Variants in ZFPL1 observed in about 807,000 individuals in gnomAD.
The protein encoded by ZFPL1 is zinc finger protein like 1.
ZFPL1 carries 28 observed loss-of-function variants against 32.0 expected under a neutral mutation model. The ratio of observed to expected loss-of-function variants is 0.87; its 90% confidence interval spans 0.65 to 1.20. ZFPL1 has a LOEUF of 1.20. ZFPL1 is among the 50% of genes most tolerant of loss of function. The probability of loss-of-function intolerance (pLI) is 0.00; values close to 1 mark genes in which losing one functional copy is unlikely to be tolerated. For missense variants in ZFPL1, 386 were observed against 424.8 expected, an observed-to-expected ratio of 0.91 and a Z score of 0.80; for synonymous variants, 165 against 177.0, an observed-to-expected ratio of 0.93 and a Z score of 0.54.
At position 65,085,240 on chromosome 11, in the gene ZFPL1, A is replaced by C. The variant is rs771841416; in HGVS notation, c.214+14A>C. The C allele has an allele frequency of 2.6e-5, 42 of 1,612,154 alleles. No individual in the cohort carries two copies. The highest frequency in any genetic ancestry group is 1.6e-4 in the Middle Eastern group (1 of 6,080). ...TTGTCTGCTATGGTGAGGCCTTGGCACCTCGGGGGGATCAGGCCAGCCTCA... is the reference window on the plus strand; with the variant it reads ...TTGTCTGCTATGGTGAGGCCTTGGCCCCTCGGGGGGATCAGGCCAGCCTCA... On this transcript the variant is annotated intron_variant, in intron 3 of 7. Coordinates refer to ENST00000294258, the MANE Select transcript of ZFPL1 (RefSeq NM_006782.4).
rs774439719 is a variant in ZFPL1, at chr11:65,086,955, T to C, written c.509T>C (p.Val170Ala). ...AGCAGTACCCCTGGACCAGAGGAGG[T>C]AGACAGCGCCTCTGCTGCCCCAGCC... is the stretch of plus-strand genomic sequence containing the variant. ...NASSTPGPEE[V>A]DSASAAPAFY... The change falls in exon 6 of 8, where the codon GTA becomes GCA. Residue 170 changes from valine (V) to alanine (A), a missense_variant. Val to Ala is a moderately conservative substitution (Grantham distance 64). Coordinates refer to ENST00000294258, the MANE Select transcript of ZFPL1 (RefSeq NM_006782.4). 8 of 1,613,696 alleles carry C rather than the reference T, an allele frequency of 5.0e-6. No homozygotes were observed. In the East Asian group the frequency reaches 6.7e-5, roughly 13 times the overall value.
At chr11:65,085,024 C>T (rs1291617333) in intron 2 of ZFPL1, 91 bp from the exon 3 acceptor site, 47 of 1,298,252 alleles carry the variant, frequency 3.6e-5, no homozygotes, top group Non-Finnish European at 4.9e-5. Flanking sequence ...GATGAGTCTC[C>T]TCTGTGGCTA....
At position 65,086,707 on chromosome 11, in the gene ZFPL1, T is replaced by C. The variant is rs771310881; in HGVS notation, c.409-13T>C. 6.8e-6 allele frequency: 11 copies of C among 1,614,190 alleles called. No homozygotes were observed. In the Admixed American group the frequency reaches 1.8e-4, roughly 27 times the overall value. On this transcript the variant is annotated splice_polypyrimidine_tract_variant and intron_variant, in intron 4 of 7. Transcript: ENST00000294258. ...ATACTAGGCAGCCTGGTGACCCAGA[T>C]TCCTTCCTCCAGATCGATGAGGTGG...
chr11:65,086,330 C>T, intron 3 of ZFPL1, 85 bp from the exon 4 acceptor site: 1 of 1,538,748 alleles, frequency 6.5e-7, no homozygotes. Context: ...ATATGTCCTG[C>T]AATGGTCTGG....
chr11:65,085,506 C>CGTAA (rs1947668281), intron 3 of ZFPL1: 1 of 487,512 alleles, frequency 2.1e-6, no homozygotes, highest in African/African-American at 1.9e-5. Context: ...GTCAAGCTTA[C>CGTAA]GGGTATGCTG....
At position 65,084,286 on chromosome 11, in the gene ZFPL1, G is replaced by C. The variant is rs1051463652; in HGVS notation, c.-101G>C. 1 of 550,330 alleles carries C rather than the reference G, an allele frequency of 1.8e-6. No individual in the cohort carries two copies. 34.1% of individuals were successfully genotyped at this position (550,330 alleles called of 1,614,324 possible). On this transcript the variant is annotated 5_prime_UTR_variant, in exon 1 of 8. Transcript: ENST00000294258. ...CTGAAGGGAGAGGCGCAGGAGCCCT[G>C]GGGAGAGTGGTCCCTGCCCTTCCGC...
chr11:65,088,383 A>G lies in ZFPL1; in HGVS notation c.*269A>G. ...AAGGAGCTGGCAGGTGGAAATAAAC[A>G]ACAACTTTATTAAAACACCCGAGGC... On this transcript the variant is annotated 3_prime_UTR_variant, in exon 8 of 8. Coordinates refer to ENST00000294258, the MANE Select transcript of ZFPL1 (RefSeq NM_006782.4). 6.9e-7 allele frequency: 1 copy of G among 1,444,614 alleles called. No individual in the cohort carries two copies. The highest frequency in any genetic ancestry group is 2.0e-5 in the Admixed American group (1 of 50,842). 89.5% of individuals were successfully genotyped at this position (1,444,614 alleles called of 1,614,324 possible). A position where few individuals can be genotyped will look rare whatever the true frequency, so the allele number is the denominator to read the frequency against.
chr11:65,085,318 AG>A, intron 3 of ZFPL1, 92 bp downstream of exon 3: 1 of 1,093,460 alleles, frequency 9.1e-7, no homozygotes, highest in Non-Finnish European at 1.4e-6. Context: ...CAGGACAGTG[AG>A]TCCCCCGAGT....
intron 7 of ZFPL1, 112 bp downstream of exon 7, chr11:65,087,545 C>A: frequency 9.9e-7 from 1 of 1,013,622 alleles, no homozygotes; most frequent in Non-Finnish European, 1.5e-6. Context: ...TGGGGAGTAA[C>A]AGTACCTGGT....
chr11:65,087,263 C>T, intron 6 of ZFPL1, 53 bp from the exon 7 acceptor site: 1 of 1,599,138 alleles, frequency 6.3e-7, no homozygotes, highest in East Asian at 2.2e-5. Context: ...CTAGCCCTCC[C>T]CAAAGCGGCC....
At chr11:65,087,857 C>T in intron 7 of ZFPL1, 71 bp from the exon 8 acceptor site, 1 of 1,460,518 alleles carries the variant, frequency 6.8e-7, no homozygotes, top group Admixed American at 2.4e-5. Context: ...GGGTGGTGAC[C>T]AGGGCTTCTC....
chr11:65,085,325 C>G, intron 3 of ZFPL1, 99 bp downstream of exon 3: 1 of 1,045,022 alleles, frequency 9.6e-7, no homozygotes, highest in Non-Finnish European at 1.5e-6. Flanking sequence ...GTGAGTCCCC[C>G]GAGTCTCAGA....
chr11:65,086,819 T>G (rs1019089364), intron 5 of ZFPL1, 27 bp downstream of exon 5: 2 of 1,614,102 alleles, frequency 1.2e-6, no homozygotes, highest in African/African-American at 2.7e-5. Context: ...ACCGACTGTT[T>G]GGGCTTTAGC....
rs368535230 is a variant in ZFPL1, at chr11:65,084,809, T to C, written c.102+9T>C. The C allele has an allele frequency of 6.2e-7, 1 of 1,613,964 alleles. No individual in the cohort carries two copies. Among genetic ancestry groups the C allele is most frequent in the Non-Finnish European group, 8.5e-7 (1 of 1,179,994 alleles). ...TAGCCAATCACGCCAAGGTGGGGCC[T>C]TCAGGGGAGCGACTGAGCAGGGCAC... On this transcript the variant is annotated intron_variant, in intron 2 of 7. Coordinates refer to ENST00000294258, the MANE Select transcript of ZFPL1 (RefSeq NM_006782.4).
Position 65,084,771 on chromosome 11 carries a change from G to A in ZFPL1, c.73G>A (p.Glu25Lys). Residue 25 changes from glutamate (E) to lysine (K), a missense_variant, in exon 2 of 8, where the codon GAG (glutamate) becomes AAG (lysine). By Grantham distance (56) the Glu-to-Lys change is moderately conservative. Transcript: ENST00000294258. ...CTTCGAACATCGGGTCAACGTCTGC[G>A]AGCACTGCCTGGTAGCCAATCACGC... Reference protein sequence around the residue: ...FCFEHRVNVCEHCLVANHAKC... With the variant: ...FCFEHRVNVCKHCLVANHAKC... The A allele has an allele frequency of 6.2e-7, 1 of 1,614,112 alleles. No homozygotes were observed. Among genetic ancestry groups the A allele is most frequent in the Non-Finnish European group, 8.5e-7 (1 of 1,180,028 alleles).
intron 2 of ZFPL1, 61 bp from the exon 3 acceptor site, chr11:65,085,054 A>T: frequency 6.7e-7 from 1 of 1,498,258 alleles, no homozygotes; most frequent in Non-Finnish European, 9.3e-7. Context: ...AGACAGTCGG[A>T]CCTTGGGGTG....
intron 3 of ZFPL1, 46 bp from the exon 4 acceptor site, chr11:65,086,369 T>C: frequency 6.2e-7 from 1 of 1,611,812 alleles, no homozygotes; most frequent in Non-Finnish European, 8.5e-7. Context: ...GAGCCCTAAG[T>C]GTCTTCTTCC....
chr11:65,085,319 G>A (rs764499235), intron 3 of ZFPL1, 93 bp downstream of exon 3: 1 of 1,092,886 alleles, frequency 9.2e-7, no homozygotes, highest in Non-Finnish European at 1.4e-6. Context: ...AGGACAGTGA[G>A]TCCCCCGAGT....
At chr11:65,086,299 C>G in intron 3 of ZFPL1, 116 bp from the exon 4 acceptor site, 1 of 1,337,306 alleles carries the variant, frequency 7.5e-7, no homozygotes, top group Non-Finnish European at 1.1e-6. Context: ...GGAGAAGGCT[C>G]TGGCACACAC....
Sources: gnomAD v4.1 joint callset for allele counts on GRCh38, gnomAD v4.1.1 for gene constraint, MANE v1.5 for transcripts, NCBI Gene and HGNC (gene_info 2026-07-23, HGNC 2026-07-21) for gene names.